Variants in KANK4 observed in about 807,000 individuals in gnomAD.
KANK4 encodes KN motif and ankyrin repeat domains 4, also known as KN motif and ankyrin repeat domain-containing protein 4.
KANK4 carries 50 observed loss-of-function variants against 80.8 expected under a neutral mutation model. That is an observed-to-expected ratio of 0.62 (90% CI 0.49 to 0.78). The LOEUF is 0.78. KANK4 is among the 30% of genes least tolerant of loss of function. The pLI is 0.00. For synonymous variants in KANK4, 465 were observed against 506.9 expected (o/e 0.92, Z 1.11); for missense variants, 1,196 against 1,240.1 (o/e 0.96, Z 0.53).
At chr1:62,308,952 C>T (rs34846637) in intron 1 of KANK4, among the ~76,000 whole-genome samples, 15,481 of 152,188 alleles carry the variant, frequency 0.1, 1,009 homozygotes, top group Non-Finnish European at 0.14. Context: ...CCTTAGGGAC[C>T]GTCCCAGAAC....
Position 62,273,326 on chromosome 1 carries a change from G to A in KANK4, c.1778C>T (p.Ala593Val), listed in dbSNP as rs200891951. Reference protein sequence around the residue: ...PELASAIKQPASKLSSIQSQL... With the variant: ...PELASAIKQPVSKLSSIQSQL... ...GCTCTGGATGCTGCTGAGCTTGGAGGCTGGCTGCTTGATGGCGCTGGCCAG... is the reference window on the plus strand; with the variant it reads ...GCTCTGGATGCTGCTGAGCTTGGAGACTGGCTGCTTGATGGCGCTGGCCAG... Residue 593 changes from alanine (A) to valine (V), a missense_variant, in exon 3 of 10, where the codon GCC becomes GTC. Physicochemically the swap from Ala to Val is moderately conservative, Grantham distance 64. Coordinates refer to ENST00000371153, the MANE Select transcript of KANK4 (RefSeq NM_181712.5). 5.0e-6 allele frequency: 8 copies of A among 1,607,904 alleles called. No individual in the cohort carries two copies. The highest frequency in any genetic ancestry group is 1.7e-6 in the Non-Finnish European group (2 of 1,175,400).
rs201019185 is a variant in KANK4 at position 62,268,264 on chromosome 1, C to T, written c.2231+23G>A. 385 of 1,587,816 alleles carry T rather than the reference C, an allele frequency of 2.4e-4. 3 individuals are homozygous for T. The South Asian group carries it at 3.3e-3, about 14-fold the overall frequency. Reference sequence around the variant, plus strand: ...GACCTTTTTCAGAGGAACAAGTGCCCGCGTTTGTGTCCATTTGCTCACCTC... The same window carrying T: ...GACCTTTTTCAGAGGAACAAGTGCCTGCGTTTGTGTCCATTTGCTCACCTC... On this transcript the variant is annotated intron_variant, in intron 5 of 9. Transcript: ENST00000371153.
rs770189700 is a variant in KANK4 at position 62,274,473 on chromosome 1, C to A, written c.631G>T (p.Ala211Ser). 1.2e-6 allele frequency: 2 copies of A among 1,614,202 alleles called. No homozygotes were observed. Among genetic ancestry groups the A allele is most frequent in the Non-Finnish European group, 1.7e-6 (2 of 1,180,044 alleles). ...DGTFEPAEGLAGFHSSSPRAS... is the reference protein window; with the variant it reads ...DGTFEPAEGLSGFHSSSPRAS... ...CGTGGGCTGGAGCTGTGGAAACCTG[C>A]CAATCCTTCTGCAGGTTCAAAGGTG... The change falls in exon 3 of 10, where the codon GCA (alanine) becomes TCA (serine). Residue 211 changes from alanine to serine, a missense_variant. Physicochemically the swap from Ala to Ser is moderately conservative, Grantham distance 99 (BLOSUM62 1). Around this residue, in one of 3 missense-constraint regions of KANK4, gnomAD observed 1,154 missense variants for 1,179.6 expected, o/e 0.98. Transcript: ENST00000371153.
At chr1:62,286,795 C>T (rs1023041370) in intron 1 of KANK4, among the ~76,000 whole-genome samples, 2 of 152,122 alleles carry the variant, frequency 1.3e-5, no homozygotes, top group African/African-American at 4.8e-5. Flanking sequence ...AGCCTCTGAT[C>T]ATTAAACAAA....
chr1:62,252,034 G>C (rs927050549), intron 8 of KANK4, among the ~76,000 whole-genome samples: 26 of 151,606 alleles, frequency 1.7e-4, no homozygotes, highest in African/African-American at 5.6e-4. Context: ...TCTTGGCTCA[G>C]TTTAAAAAGT....
At chr1:62,294,012 C>T (rs891734154) in intron 1 of KANK4, among the ~76,000 whole-genome samples, 8 of 152,194 alleles carry the variant, frequency 5.3e-5, no homozygotes, top group African/African-American at 1.9e-4. Context: ...AACCGTGACC[C>T]TTAATGGCTA....
chr1:62,273,537 G>A lies in KANK4; in HGVS notation c.1567C>T (p.Leu523=). The A allele has an allele frequency of 6.2e-7, 1 of 1,613,474 alleles. No homozygotes were observed. Among genetic ancestry groups the A allele is most frequent in the Non-Finnish European group, 8.5e-7 (1 of 1,179,496 alleles). ...GGAGTCTTTCTGTCGCTGCCCCACA[G>A]AAAGCCTCCTGCTCCCCTGGTTCCT... is the stretch of plus-strand genomic sequence containing the variant. ...QGGTRGAGGF[L]WGSDRKTPPA... The change falls in exon 3 of 10, where the codon CTG becomes TTG. Residue 523 remains leucine, a synonymous_variant. Transcript: ENST00000371153.
chr1:62,284,115 G>A (rs530543333), intron 1 of KANK4, among the ~76,000 whole-genome samples: 4 of 152,146 alleles, frequency 2.6e-5, no homozygotes, highest in Non-Finnish European at 2.9e-5. Context: ...TTCCAGCCCC[G>A]ACTCCCACCC....
chr1:62,271,355 T>C lies in KANK4; in HGVS notation c.2012+123A>G, dbSNP rs546245978. On this transcript the variant is annotated intron_variant, in intron 4 of 9. Coordinates refer to ENST00000371153, the MANE Select transcript of KANK4 (RefSeq NM_181712.5). Reference sequence around the variant, plus strand: ...CCGAGATGGAGTTTTAAAGGGCCATTGAAATTAATTCCCTTGAAGAGGAAT... The same window carrying C: ...CCGAGATGGAGTTTTAAAGGGCCATCGAAATTAATTCCCTTGAAGAGGAAT... 95 of 720,832 alleles carry C rather than the reference T, an allele frequency of 1.3e-4. 2 individuals carry two copies. The African/African-American group carries it at 1.5e-3, about 11-fold the overall frequency. The allele number at this position is 720,832 out of a possible 1,614,324, so 44.7% of individuals were successfully genotyped here. A position where few individuals can be genotyped will look rare whatever the true frequency, so the allele number is the denominator to read the frequency against.
intron 7 of KANK4, among the ~76,000 whole-genome samples, chr1:62,259,601 G>A (rs1249619846): frequency 6.6e-6 from 1 of 152,038 alleles, no homozygotes; most frequent in African/African-American, 2.4e-5. Flanking sequence ...AACCCTGGTA[G>A]CACACTTAGT....
intron 7 of KANK4, among the ~76,000 whole-genome samples, chr1:62,258,476 G>T (rs1009332334): frequency 5.3e-5 from 8 of 152,172 alleles, no homozygotes; most frequent in Admixed American, 1.3e-4. Context: ...TTCTTTTGAT[G>T]ATGTGAAAAT....
chr1:62,257,771 C>T (rs1289014640), intron 7 of KANK4, among the ~76,000 whole-genome samples: 1 of 152,166 alleles, frequency 6.6e-6, no homozygotes, highest in African/African-American at 2.4e-5. Context: ...CTTACTTTAC[C>T]TTTATGCTAT....
chr1:62,277,499 A>G (rs1022507836), intron 2 of KANK4, among the ~76,000 whole-genome samples: 1 of 152,224 alleles, frequency 6.6e-6, no homozygotes, highest in Non-Finnish European at 1.5e-5. Context: ...TGCTTTAACC[A>G]AAAGAATATG....
chr1:62,239,605 G>A (rs1185989315), intron 9 of KANK4, among the ~76,000 whole-genome samples: 1 of 151,990 alleles, frequency 6.6e-6, no homozygotes, highest in Non-Finnish European at 1.5e-5. Flanking sequence ...ATGTTGGTGT[G>A]CTGCACCCAT....
rs35975808 is a variant in KANK4 at position 62,290,747 on chromosome 1, A to AT, written c.-70-9114dup. 4.9e-4 allele frequency among the ~76,000 whole-genome samples: 71 copies of AT among 145,430 alleles called. 1 individual carries two copies. The highest frequency in any genetic ancestry group is 1.3e-3 in the South Asian group (6 of 4,504). On this transcript the variant is annotated intron_variant, in intron 1 of 9. Transcript: ENST00000371153. ...TCAGAGACTGTCAGAGCTGGAAAGGATTTTTTTTTTTTTTTGAGATGGAGT... is the reference window on the plus strand; with the variant it reads ...TCAGAGACTGTCAGAGCTGGAAAGGATTTTTTTTTTTTTTTTGAGATGGAGT...
intron 1 of KANK4, among the ~76,000 whole-genome samples, chr1:62,318,380 C>T (rs1278471982): frequency 1.3e-5 from 2 of 152,254 alleles, no homozygotes; most frequent in Non-Finnish European, 2.9e-5. Context: ...ACTCCCATTT[C>T]TGGCCAGTCT....
chr1:62,238,452 T>G, intron 9 of KANK4, 71 bp from the exon 10 acceptor site: 1 of 1,351,834 alleles, frequency 7.4e-7, no homozygotes, highest in South Asian at 1.2e-5. Flanking sequence ...GAAGGGCAAG[T>G]TGGGAGTAGA....
chr1:62,241,863 A>G (rs1344320242), intron 9 of KANK4, among the ~76,000 whole-genome samples: 1 of 152,200 alleles, frequency 6.6e-6, no homozygotes, highest in Non-Finnish European at 1.5e-5. Context: ...TTTACGGAGA[A>G]GAGCCACAGG....
intron 1 of KANK4, among the ~76,000 whole-genome samples, chr1:62,285,855 T>A (rs1456882898): frequency 1.3e-5 from 2 of 151,840 alleles, no homozygotes; most frequent in African/African-American, 4.8e-5. Flanking sequence ...TCTTTCCCCA[T>A]CCCAGGACCC....
Sources: gnomAD v4.1 joint callset for allele counts (sites outside exome capture counted in the v4.1 genomes callset) on GRCh38, gnomAD v4.1.1 for gene constraint, gnomAD v4.1.1 regional missense constraint, MANE v1.5 for transcripts, NCBI Gene and HGNC (gene_info 2026-07-23, HGNC 2026-07-21) for gene names.